The following KIAA1328 variants were observed in gnomAD, a reference collection of about 807,000 sequenced individuals.
KIAA1328 encodes KIAA1328, also known as protein hinderin.
A neutral mutation model predicts 68.1 loss-of-function variants in KIAA1328; 52 were observed. The ratio of observed to expected loss-of-function variants is 0.76; its 90% CI spans 0.61 to 0.96. KIAA1328 has a LOEUF of 0.96. Among genes scored for constraint, KIAA1328 ranks in the 40% least tolerant of loss-of-function variants. KIAA1328 has a pLI of 0.00. For synonymous variants in KIAA1328, 232 were observed against 239.4 expected, an observed-to-expected ratio of 0.97 and a Z score of 0.28; for missense variants, 641 against 677.6, an observed-to-expected ratio of 0.95 and a Z score of 0.60.
chr18:36,884,925 C>T (rs1469698401), intron 4 of KIAA1328, among the ~76,000 whole-genome samples: 2 of 151,522 alleles, frequency 1.3e-5, no homozygotes, highest in African/African-American at 4.8e-5. Flanking sequence ...AGTTGGAATC[C>T]TTTTCAGAGT....
At chr18:37,039,377 G>GT (rs2055153454) in intron 6 of KIAA1328, among the ~76,000 whole-genome samples, 1 of 150,922 alleles carries the variant, frequency 6.6e-6, no homozygotes, top group African/African-American at 2.4e-5. Flanking sequence ...TACCAATTCA[G>GT]TTTTTTCTTT....
chr18:37,044,857 A>G (rs1332756715), intron 6 of KIAA1328, among the ~76,000 whole-genome samples: 1 of 152,082 alleles, frequency 6.6e-6, no homozygotes, highest in Non-Finnish European at 1.5e-5. Context: ...TTATGAAAAT[A>G]GCAGCAAAGT....
At chr18:36,882,731 A>G (rs552990519) in intron 4 of KIAA1328, among the ~76,000 whole-genome samples, 1 of 152,356 alleles carries the variant, frequency 6.6e-6, no homozygotes, top group African/African-American at 2.4e-5. Flanking sequence ...TTTTATCTGG[A>G]TAGAATACAT....
At chr18:37,152,846 A>C (rs1372775926) in intron 7 of KIAA1328, among the ~76,000 whole-genome samples, 2 of 152,218 alleles carry the variant, frequency 1.3e-5, no homozygotes, top group African/African-American at 4.8e-5. Flanking sequence ...TTTGTTTTCC[A>C]ACAAAGAGCA....
At chr18:37,031,475 T>C (rs2054825559) in intron 6 of KIAA1328, among the ~76,000 whole-genome samples, 1 of 152,236 alleles carries the variant, frequency 6.6e-6, no homozygotes, top group Non-Finnish European at 1.5e-5. Context: ...GTTATTAATA[T>C]AGCCACTTCA....
intron 6 of KIAA1328, among the ~76,000 whole-genome samples, chr18:37,016,355 C>T (rs1412974317): frequency 2.0e-5 from 3 of 152,022 alleles, no homozygotes; most frequent in Admixed American, 6.6e-5. Context: ...CCTACTTGAT[C>T]ATAGTGAATT....
intron 6 of KIAA1328, among the ~76,000 whole-genome samples, chr18:36,962,061 A>T (rs969584738): frequency 1.3e-5 from 2 of 152,252 alleles, no homozygotes; most frequent in Non-Finnish European, 2.9e-5. Flanking sequence ...TGCTGTATTC[A>T]GGAGACCCAT....
intron 9 of KIAA1328, among the ~76,000 whole-genome samples, chr18:37,221,611 T>A (rs1205593722): frequency 6.6e-6 from 1 of 152,228 alleles, no homozygotes. Context: ...ATAATGGAGA[T>A]GAGAGTAGTA....
At chr18:36,881,453 AAAGAAAG>A (rs2048326128) in intron 4 of KIAA1328, among the ~76,000 whole-genome samples, 1 of 145,984 alleles carries the variant, frequency 6.9e-6, no homozygotes, top group African/African-American at 2.8e-5. Context: ...CTTTACTTAA[AAAGAAAG>A]AAGAAGGTCA....
In KIAA1328 at chr18:36,932,109, A is replaced by G. The variant is rs542975060; in HGVS notation, c.449-27199A>G. Among the ~76,000 whole-genome samples, 3 of 152,008 alleles carry G rather than the reference A, an allele frequency of 2.0e-5. No individual in the cohort carries two copies. In the East Asian group the frequency reaches 5.8e-4, roughly 29 times the overall value. On this transcript the variant is annotated intron_variant, in intron 5 of 9. Coordinates refer to ENST00000280020, the MANE Select transcript of KIAA1328 (RefSeq NM_020776.3). ...ATATGAACAAAATCAGTAAGTTTTC[A>G]TTGAAAGTGAGCTTATAATGCTCCT...
chr18:37,084,050 C>T, intron 7 of KIAA1328: 1 of 732,732 alleles, frequency 1.4e-6, no homozygotes, highest in Non-Finnish European at 1.9e-6. Context: ...GCTGAAAGAG[C>T]ATGGTTTTCC....
At chr18:36,946,293 T>G (rs2050896812) in intron 5 of KIAA1328, 1 of 152,128 alleles carries the variant, frequency 6.6e-6, no homozygotes, top group South Asian at 2.1e-4. Flanking sequence ...ATACCAAGAA[T>G]GACTTAAAGG....
intron 5 of KIAA1328, among the ~76,000 whole-genome samples, chr18:36,934,209 TCA>T (rs2050417127): frequency 6.6e-6 from 1 of 152,160 alleles, no homozygotes; most frequent in Non-Finnish European, 1.5e-5. Context: ...TCCTCCCTCC[TCA>T]CTCTTGGTAT....
intron 7 of KIAA1328, chr18:37,074,910 A>C (rs1300752652): frequency 1.3e-5 from 2 of 152,172 alleles, no homozygotes; most frequent in East Asian, 3.9e-4. Context: ...AACACTCTGC[A>C]GGATATTATC....
At chr18:36,975,787 T>G (rs953906481) in intron 6 of KIAA1328, among the ~76,000 whole-genome samples, 3 of 152,202 alleles carry the variant, frequency 2.0e-5, no homozygotes, top group African/African-American at 7.2e-5. Flanking sequence ...TGTTTCTTTT[T>G]CTCTTGTTGG....
chr18:37,030,111 AT>A (rs896749901), intron 6 of KIAA1328, among the ~76,000 whole-genome samples: 9 of 151,430 alleles, frequency 5.9e-5, no homozygotes, highest in African/African-American at 2.2e-4. Context: ...AATTTCATTG[AT>A]TTTTTTTAAC....
intron 9 of KIAA1328, among the ~76,000 whole-genome samples, chr18:37,194,828 T>A (rs564231573): frequency 6.6e-6 from 1 of 152,156 alleles, no homozygotes; most frequent in Admixed American, 6.5e-5. Flanking sequence ...GCCCAGCTAA[T>A]TTTTGTATTT....
At chr18:36,920,357 G>GT (rs2049871885) in intron 5 of KIAA1328, among the ~76,000 whole-genome samples, 1 of 152,158 alleles carries the variant, frequency 6.6e-6, no homozygotes, top group Non-Finnish European at 1.5e-5. Context: ...ATTAGAGGTT[G>GT]TAAGTGTACA....
chr18:37,060,975 CA>C, intron 6 of KIAA1328, among the ~76,000 whole-genome samples: 1 of 152,064 alleles, frequency 6.6e-6, no homozygotes, highest in Non-Finnish European at 1.5e-5. Context: ...ATTAGCCGGC[CA>C]TGGTGGTGTG....
Sources: gnomAD v4.1 joint callset for allele counts (sites outside exome capture counted in the v4.1 genomes callset) on GRCh38, gnomAD v4.1.1 for gene constraint, MANE v1.5 for transcripts, NCBI Gene and HGNC (gene_info 2026-07-23, HGNC 2026-07-21) for gene names.